Variants in IQCH observed in about 807,000 individuals in gnomAD.
IQCH encodes the protein IQ domain-containing protein H.
In IQCH, 98 loss-of-function variants were observed where a neutral mutation model predicts 117.0. The observed-to-expected ratio is 0.84, with a 90% CI of 0.71 to 0.99. The LOEUF is 0.99. IQCH is among the 50% of genes least tolerant of loss of function. The pLI, the probability that IQCH is intolerant of heterozygous loss-of-function variation, is 0.00. For synonymous variants in IQCH, 412 were observed against 448.2 expected, an observed-to-expected ratio of 0.92 and a Z score of 1.02; for missense variants, 1,102 against 1,243.8, an observed-to-expected ratio of 0.89 and a Z score of 1.72.
intron 3 of IQCH, among the ~76,000 whole-genome samples, chr15:67,274,950 C>T (rs1736902561): frequency 6.6e-6 from 1 of 152,094 alleles, no homozygotes; most frequent in Non-Finnish European, 1.5e-5. Context: ...GGAAGAGGTC[C>T]CAAAGGGGAT....
In IQCH at chr15:67,430,752, T is replaced by C. The variant is rs546966665; in HGVS notation, c.2505+9175T>C. 6.6e-6 allele frequency among the ~76,000 whole-genome samples: 1 copy of C among 152,338 alleles called. No homozygotes were observed. The highest frequency in any genetic ancestry group is 1.5e-5 in the Non-Finnish European group (1 of 68,018). ...ACAAGTGTTTATTGAGCATCTATTATGTATAAGCCATAATGCTAGGTGCTA... is the reference window on the plus strand; with the variant it reads ...ACAAGTGTTTATTGAGCATCTATTACGTATAAGCCATAATGCTAGGTGCTA... On this transcript the variant is annotated intron_variant, in intron 16 of 20. Transcript: ENST00000335894. The surrounding 1 kb of genome is among the most constrained non-coding windows in gnomAD (Gnocchi z 5.1).
At chr15:67,484,830 A>G (rs1031345383) in intron 18 of IQCH, among the ~76,000 whole-genome samples, 1 of 152,160 alleles carries the variant, frequency 6.6e-6, no homozygotes, top group Non-Finnish European at 1.5e-5. Context: ...AAAAACAAAA[A>G]TTTAACCCTC....
At chr15:67,434,294 CT>C (rs2082081131) in intron 16 of IQCH, among the ~76,000 whole-genome samples, 2 of 152,078 alleles carry the variant, frequency 1.3e-5, no homozygotes, top group African/African-American at 2.4e-5. Flanking sequence ...ATAAGTTTGA[CT>C]TTTTTGGATT....
chr15:67,437,339 C>T (rs1217832403), intron 16 of IQCH, among the ~76,000 whole-genome samples: 1 of 152,184 alleles, frequency 6.6e-6, no homozygotes, highest in Non-Finnish European at 1.5e-5. Context: ...CAGGAAGCTG[C>T]ATCCATAGGA....
In IQCH at chr15:67,395,268, A is replaced by G; in HGVS notation, c.1633-23A>G. The G allele has an allele frequency of 6.3e-7, 1 of 1,598,040 alleles. No homozygotes were observed. On this transcript the variant is annotated intron_variant, in intron 12 of 20. Coordinates refer to ENST00000335894, the MANE Select transcript of IQCH (RefSeq NM_001031715.3). The surrounding 1 kb of genome is among the most constrained non-coding windows in gnomAD (Gnocchi z 4.0). The stretch of plus-strand genomic sequence containing the variant: ...CTAGAAAAAAGGACACCTTTTAACA[A>G]GAATAATATGATCTTCCCCCAGAAG...
chr15:67,486,083 C>T lies in IQCH; in HGVS notation c.2800-3920C>T, dbSNP rs1402596306. Among the ~76,000 whole-genome samples the T allele has an allele frequency of 8.5e-5, 12 of 141,504 alleles. 1 individual carries two copies. The highest frequency in any genetic ancestry group is 1.3e-4 in the African/African-American group (5 of 37,882). The allele number at this position is 141,504 out of a possible 152,430, so 92.8% of individuals were successfully genotyped here. On this transcript the variant is annotated intron_variant, in intron 18 of 20. Coordinates refer to ENST00000335894, the MANE Select transcript of IQCH (RefSeq NM_001031715.3). ...TGAGATAGAGTCTTGCACTATCTCCCGGGCTGGCGTGATCTCGGCTCACTG... is the reference window on the plus strand; with the variant it reads ...TGAGATAGAGTCTTGCACTATCTCCTGGGCTGGCGTGATCTCGGCTCACTG...
At chr15:67,289,788 C>T (rs1966690366) in intron 4 of IQCH, among the ~76,000 whole-genome samples, 1 of 152,082 alleles carries the variant, frequency 6.6e-6, no homozygotes, top group Non-Finnish European at 1.5e-5. Flanking sequence ...AAGAGAACAT[C>T]AAGTGAAAAT....
intron 3 of IQCH, among the ~76,000 whole-genome samples, chr15:67,270,120 G>T (rs1404185767): frequency 6.6e-6 from 1 of 152,102 alleles, no homozygotes; most frequent in Non-Finnish European, 1.5e-5. Context: ...ACAGTTTTTG[G>T]TGGTGTCTTT....
At chr15:67,418,422 T>G (rs1201490700) in intron 15 of IQCH, among the ~76,000 whole-genome samples, 9 of 151,636 alleles carry the variant, frequency 5.9e-5, no homozygotes, top group Non-Finnish European at 1.0e-4. Flanking sequence ...ACTCTAAAAT[T>G]TTGTGATTCT....
rs1172039185 is a variant in IQCH at position 67,491,779 on chromosome 15, G to T, written c.2861+1715G>T. Among the ~76,000 whole-genome samples the T allele has an allele frequency of 6.6e-6, 1 of 151,988 alleles. No individual in the cohort carries two copies. Among genetic ancestry groups the T allele is most frequent in the Non-Finnish European group, 1.5e-5 (1 of 67,984 alleles). ...GCCCCTTGCTTCCCAGTAACATTCT[G>T]CCCCTCAGCTCCCTCCCTGCCCCAC... On this transcript the variant is annotated intron_variant, in intron 19 of 20. Transcript: ENST00000335894. This position sits in a 1 kb window ranked among gnomAD's most constrained non-coding sequence, Gnocchi z 4.9.
chr15:67,324,024 A>G (rs1399001979), intron 4 of IQCH, among the ~76,000 whole-genome samples: 2 of 137,582 alleles, frequency 1.5e-5, no homozygotes, highest in Non-Finnish European at 3.0e-5. Context: ...GCTCACTGCA[A>G]CCTCCACCTC....
At chr15:67,462,081 G>A (rs2141015422) in intron 16 of IQCH, among the ~76,000 whole-genome samples, 1 of 151,664 alleles carries the variant, frequency 6.6e-6, no homozygotes, top group African/African-American at 2.4e-5. Flanking sequence ...TTCCTGCCTT[G>A]GCCTCCCAAA....
chr15:67,306,379 A>G (rs1156968479), intron 4 of IQCH, among the ~76,000 whole-genome samples: 1 of 152,130 alleles, frequency 6.6e-6, no homozygotes, highest in Non-Finnish European at 1.5e-5. Context: ...GGCATCATCA[A>G]AGCTAATCAT....
rs924497048 is a variant in IQCH, at chr15:67,459,107, G to T, written c.2506-6020G>T. ...GGCCCGGAGAGGCAACTTCTTTTGG[G>T]TCACAGATATTTGTCTCAGACCCTG... is the stretch of plus-strand genomic sequence containing the variant. On this transcript the variant is annotated intron_variant, in intron 16 of 20. Transcript: ENST00000335894. This position sits in a 1 kb window ranked among gnomAD's most constrained non-coding sequence, Gnocchi z 4.2. 2.0e-5 allele frequency among the ~76,000 whole-genome samples: 3 copies of T among 152,162 alleles called. No homozygotes were observed. Among genetic ancestry groups the T allele is most frequent in the African/African-American group, 7.2e-5 (3 of 41,444 alleles).
At chr15:67,278,920 G>A (rs992150950) in intron 3 of IQCH, among the ~76,000 whole-genome samples, 1 of 151,952 alleles carries the variant, frequency 6.6e-6, no homozygotes, top group African/African-American at 2.4e-5. Context: ...TGCTTAATAA[G>A]GAAAATGTTT....
intron 4 of IQCH, among the ~76,000 whole-genome samples, chr15:67,326,461 T>C (rs1567098517): frequency 2.0e-5 from 3 of 152,226 alleles, no homozygotes; most frequent in Non-Finnish European, 4.4e-5. Flanking sequence ...GCATGATTTA[T>C]AATCCTTTGG....
Position 67,372,450 on chromosome 15 carries a change from G to A in IQCH, c.1093G>A (p.Gly365Ser), listed in dbSNP as rs1211372891. ...LINLPGQRYK[G>S]QDGNSEAAMK... ...AAATCTTCCAGGGCAAAGGTACAAG[G>A]GCCAAGATGGAAATTCGGAGGCCGC... Residue 365 changes from glycine to serine, a missense_variant, in exon 9 of 21, where the codon GGC (glycine) becomes AGC (serine). Gly to Ser is a moderately conservative substitution (Grantham distance 56). Transcript: ENST00000335894. 1 of 1,613,964 alleles carries A rather than the reference G, an allele frequency of 6.2e-7. No homozygotes were observed. The highest frequency in any genetic ancestry group is 8.5e-7 in the Non-Finnish European group (1 of 1,179,982).
At chr15:67,321,973 A>G (rs2140601624) in intron 4 of IQCH, among the ~76,000 whole-genome samples, 1 of 152,338 alleles carries the variant, frequency 6.6e-6, no homozygotes, top group East Asian at 1.9e-4. Context: ...TATAAATGTT[A>G]GGCCCAGGTA....
In IQCH at chr15:67,393,974, A is replaced by C. The variant is rs562190137; in HGVS notation, c.1633-1317A>C. Among the ~76,000 whole-genome samples, 9 of 152,262 alleles carry C rather than the reference A, an allele frequency of 5.9e-5. No individual in the cohort carries two copies. Among genetic ancestry groups the C allele is most frequent in the African/African-American group, 2.2e-4 (9 of 41,530 alleles). On this transcript the variant is annotated intron_variant, in intron 12 of 20. Coordinates refer to ENST00000335894, the MANE Select transcript of IQCH (RefSeq NM_001031715.3). This position sits in a 1 kb window ranked among gnomAD's most constrained non-coding sequence, Gnocchi z 5.5. ...TGGGTAATTTTTATTCTTATCTAAC[A>C]GGTGAAGAAATAGGCTCAGGGGGTC...
Sources: allele counts gnomAD v4.1 joint callset (sites outside exome capture counted in the v4.1 genomes callset), GRCh38; gene constraint gnomAD v4.1.1; non-coding constraint Gnocchi (gnomAD v3.1); transcripts MANE v1.5; gene names NCBI Gene and HGNC (gene_info 2026-07-23, HGNC 2026-07-21).